The following GSK3B variants were observed in gnomAD, a reference collection of about 807,000 sequenced individuals.
GSK3B encodes the protein glycogen synthase kinase 3 beta.
Under a neutral mutation model 56.4 loss-of-function variants are expected in GSK3B, and 15 were observed. That is an observed-to-expected ratio of 0.27 (90% CI 0.18 to 0.41). The LOEUF is 0.41. Among genes scored for constraint, GSK3B ranks in the 10% least tolerant of loss-of-function variants. The pLI is 1.00. For missense variants in GSK3B, 300 were observed against 513.4 expected (o/e 0.58, Z 4.02); for synonymous variants, 181 against 188.9 (o/e 0.96, Z 0.34).
intron 9 of GSK3B, among the ~76,000 whole-genome samples, chr3:119,862,174 C>T (rs1259688714): frequency 6.7e-6 from 1 of 149,272 alleles, no homozygotes; most frequent in Non-Finnish European, 1.5e-5. Context: ...CACATATACA[C>T]CATGGAATAC....
At chr3:119,960,962 T>C (rs1441291718) in intron 2 of GSK3B, among the ~76,000 whole-genome samples, 1 of 152,136 alleles carries the variant, frequency 6.6e-6, no homozygotes, top group Non-Finnish European at 1.5e-5. Flanking sequence ...ACACTGATGA[T>C]ATAAAATAAC....
intron 1 of GSK3B, among the ~76,000 whole-genome samples, chr3:120,076,657 T>C (rs1055848000): frequency 1.3e-5 from 2 of 150,744 alleles, no homozygotes; most frequent in African/African-American, 4.9e-5. Flanking sequence ...CTACTAAAAA[T>C]ACAAAAATTA....
chr3:120,036,682 C>T (rs1487116407), intron 1 of GSK3B, among the ~76,000 whole-genome samples: 1 of 148,940 alleles, frequency 6.7e-6, no homozygotes, highest in Non-Finnish European at 1.5e-5. Context: ...AATCCCAGCT[C>T]ATCAGGAGGC....
chr3:119,859,622 C>T (rs1323279657), intron 9 of GSK3B, among the ~76,000 whole-genome samples: 1 of 152,050 alleles, frequency 6.6e-6, no homozygotes, highest in African/African-American at 2.4e-5. Flanking sequence ...TATACTCTTT[C>T]AAAAAATATT....
chr3:119,999,481 T>C (rs1007589590), intron 2 of GSK3B, among the ~76,000 whole-genome samples: 8 of 152,248 alleles, frequency 5.3e-5, no homozygotes, highest in African/African-American at 1.9e-4. Context: ...ATGGTAAGAA[T>C]TATGTAAAAC....
chr3:119,826,680 A>C lies in GSK3B; in HGVS notation c.*108T>G. 1.3e-6 allele frequency: 1 copy of C among 770,028 alleles called. No individual in the cohort carries two copies. Among genetic ancestry groups the C allele is most frequent in the South Asian group, 1.4e-5 (1 of 70,346 alleles). The allele number at this position is 770,028 out of a possible 1,614,324, so 47.7% of individuals were successfully genotyped here. A position where few individuals can be genotyped will look rare whatever the true frequency, so the allele number is the denominator to read the frequency against. ...ATAAAAAAATTGAACACTAAAATGA[A>C]CAGGATTTTTTTCTCTTTTTAATAT... is the stretch of plus-strand genomic sequence containing the variant. On this transcript the variant is annotated 3_prime_UTR_variant, in exon 11 of 11. Coordinates refer to ENST00000264235, the MANE Select transcript of GSK3B (RefSeq NM_001146156.2).
chr3:119,833,691 T>G (rs34588919), intron 10 of GSK3B, among the ~76,000 whole-genome samples: 2 of 111,060 alleles, frequency 1.8e-5, no homozygotes, highest in South Asian at 2.8e-4. Context: ...CATTAGGTTG[T>G]TTTTTTTTTT....
In GSK3B at chr3:119,821,603, C is replaced by G. The variant is rs754246763; in HGVS notation, c.*5185G>C. On this transcript the variant is annotated 3_prime_UTR_variant, in exon 11 of 11. Transcript: ENST00000264235. The stretch of plus-strand genomic sequence containing the variant: ...ATAGGATGAAAGTTAAAAGAAAATA[C>G]AGCCACACCAAATCATGAACACAGT... The G allele has an allele frequency of 6.6e-6, 1 of 152,220 alleles. No individual in the cohort carries two copies. The highest frequency in any genetic ancestry group is 1.5e-5 in the Non-Finnish European group (1 of 68,052). The allele number at this position is 152,220 out of a possible 1,614,324, so 9.4% of individuals were successfully genotyped here. A position where few individuals can be genotyped will look rare whatever the true frequency, so the allele number is the denominator to read the frequency against.
chr3:119,904,946 TCTAGACA>T (rs2056667311), intron 7 of GSK3B, among the ~76,000 whole-genome samples: 2 of 149,642 alleles, frequency 1.3e-5, no homozygotes, highest in South Asian at 4.2e-4. Context: ...GTGATATAAA[TCTAGACA>T]CTAGGTTTTT....
chr3:119,951,159 G>A (rs2057152807), intron 2 of GSK3B, among the ~76,000 whole-genome samples: 1 of 152,322 alleles, frequency 6.6e-6, no homozygotes, highest in East Asian at 1.9e-4. Flanking sequence ...GACAGGCAGT[G>A]CACATATGGG....
intron 9 of GSK3B, among the ~76,000 whole-genome samples, chr3:119,844,602 C>A (rs932569170): frequency 2.6e-5 from 4 of 152,130 alleles, no homozygotes; most frequent in Non-Finnish European, 4.4e-5. Flanking sequence ...AATTCCTGGA[C>A]ACATACACCC....
intron 8 of GSK3B, among the ~76,000 whole-genome samples, chr3:119,871,512 T>C (rs2056249911): frequency 6.6e-6 from 1 of 152,214 alleles, no homozygotes; most frequent in Admixed American, 6.5e-5. Flanking sequence ...ATTGCTATAA[T>C]ATATATGGTA....
chr3:119,997,505 T>C (rs1426902452), intron 2 of GSK3B, among the ~76,000 whole-genome samples: 2 of 152,236 alleles, frequency 1.3e-5, no homozygotes, highest in Non-Finnish European at 2.9e-5. Context: ...CTGAGAATTA[T>C]CACATTTCTG....
At chr3:119,981,129 C>T (rs2057456879) in intron 2 of GSK3B, among the ~76,000 whole-genome samples, 1 of 152,008 alleles carries the variant, frequency 6.6e-6, no homozygotes, top group Non-Finnish European at 1.5e-5. Flanking sequence ...TTTAACTGCA[C>T]TTCTTTCTAG....
chr3:119,998,003 A>T (rs1469874912), intron 2 of GSK3B, among the ~76,000 whole-genome samples: 5 of 152,264 alleles, frequency 3.3e-5, no homozygotes, highest in African/African-American at 4.8e-5. Context: ...GACATTATTT[A>T]TAAGCAAGAT....
At chr3:119,927,466 T>C (rs1359732474) in intron 3 of GSK3B, among the ~76,000 whole-genome samples, 1 of 152,102 alleles carries the variant, frequency 6.6e-6, no homozygotes, top group Non-Finnish European at 1.5e-5. Context: ...TAGTTGAACA[T>C]GAGACTAATA....
chr3:119,962,604 T>C (rs2107507081), intron 2 of GSK3B, among the ~76,000 whole-genome samples: 1 of 152,218 alleles, frequency 6.6e-6, no homozygotes, highest in African/African-American at 2.4e-5. Context: ...AATTATTTGT[T>C]TGCATATGAA....
intron 6 of GSK3B, among the ~76,000 whole-genome samples, chr3:119,911,515 G>T (rs1321034830): frequency 6.6e-6 from 1 of 152,142 alleles, no homozygotes; most frequent in African/African-American, 2.4e-5. Flanking sequence ...GCCAGGCAAT[G>T]ACACTTCTCC....
At chr3:119,919,995 G>A (rs967666117) in intron 4 of GSK3B, among the ~76,000 whole-genome samples, 3 of 152,138 alleles carry the variant, frequency 2.0e-5, no homozygotes, top group African/African-American at 7.2e-5. Context: ...AAAATGGTAG[G>A]ATAAATTATG....
Sources: gnomAD v4.1 joint callset for allele counts (sites outside exome capture counted in the v4.1 genomes callset) on GRCh38, gnomAD v4.1.1 for gene constraint, MANE v1.5 for transcripts, NCBI Gene and HGNC (gene_info 2026-07-23, HGNC 2026-07-21) for gene names.